The following DLGAP2 variants were observed in gnomAD, a reference collection of about 807,000 sequenced individuals.
DLGAP2 encodes disks large-associated protein 2.
A neutral mutation model predicts 100.3 loss-of-function variants in DLGAP2; 26 were observed. That is an observed-to-expected ratio of 0.26 (90% CI 0.19 to 0.36). The LOEUF (loss-of-function observed/expected upper bound fraction) is 0.36, where lower values mean the gene tolerates loss of function less well. Ranked by LOEUF, DLGAP2 falls within the 10% of genes least tolerant of loss-of-function variation. The pLI is 1.00. For synonymous variants in DLGAP2, 886 were observed against 630.1 expected (o/e 1.41, Z -6.08); for missense variants, 1,858 against 1,453.2 (o/e 1.28, Z -4.53).
chr8:1,496,835 G>A (rs749671827), intron 3 of DLGAP2, among the ~76,000 whole-genome samples: 2 of 152,202 alleles, frequency 1.3e-5, no homozygotes, highest in Non-Finnish European at 2.9e-5. Context: ...AGAGGTGTGC[G>A]TTGCTGGAGG....
intron 3 of DLGAP2, among the ~76,000 whole-genome samples, chr8:1,313,466 C>A (rs955032230): frequency 6.6e-6 from 1 of 152,154 alleles, no homozygotes; most frequent in Non-Finnish European, 1.5e-5. Context: ...TACTCCCCCC[C>A]TTAATTATGG....
chr8:1,424,270 G>A (rs1377809946), intron 3 of DLGAP2, among the ~76,000 whole-genome samples: 1 of 152,214 alleles, frequency 6.6e-6, no homozygotes, highest in Non-Finnish European at 1.5e-5. Flanking sequence ...CCCTTCTGTA[G>A]TCTGCATCTA....
At chr8:1,595,926 G>C (rs185760785) in intron 6 of DLGAP2, among the ~76,000 whole-genome samples, 2 of 151,494 alleles carry the variant, frequency 1.3e-5, no homozygotes, top group Non-Finnish European at 1.5e-5. Context: ...CAACGGGCAG[G>C]TTTGTTACAT....
At chr8:1,146,773 C>T (rs537945668) in intron 2 of DLGAP2, among the ~76,000 whole-genome samples, 25 of 152,348 alleles carry the variant, frequency 1.6e-4, no homozygotes, top group Non-Finnish European at 2.8e-4. Flanking sequence ...GACAAGCCGT[C>T]CCCACTGTCC....
chr8:1,219,189 G>C (rs957379922), intron 2 of DLGAP2, among the ~76,000 whole-genome samples: 1 of 151,646 alleles, frequency 6.6e-6, no homozygotes. Flanking sequence ...GGGCATTCTT[G>C]TTTTGTTCTG....
At chr8:879,900 C>A (rs1797754740) in intron 1 of DLGAP2, among the ~76,000 whole-genome samples, 1 of 152,180 alleles carries the variant, frequency 6.6e-6, no homozygotes. Context: ...CTTCTCCATT[C>A]TCCTTCCGTG....
chr8:1,230,116 A>G (rs1260246875), intron 2 of DLGAP2, among the ~76,000 whole-genome samples: 4 of 152,166 alleles, frequency 2.6e-5, no homozygotes, highest in African/African-American at 7.2e-5. Flanking sequence ...CAAAACCCCA[A>G]AGACTCTGCC....
At chr8:1,507,479 C>G (rs370576730) in intron 4 of DLGAP2, among the ~76,000 whole-genome samples, 3 of 152,176 alleles carry the variant, frequency 2.0e-5, no homozygotes, top group African/African-American at 7.2e-5. Flanking sequence ...ACCCAGAACT[C>G]GCGCTGGCCC....
intron 2 of DLGAP2, among the ~76,000 whole-genome samples, chr8:987,687 C>T (rs1800527537): frequency 6.6e-6 from 1 of 152,074 alleles, no homozygotes; most frequent in African/African-American, 2.4e-5. Context: ...GTAACCTCAG[C>T]TTTTCTGCCT....
intron 2 of DLGAP2, among the ~76,000 whole-genome samples, chr8:1,069,183 C>T (rs1453948567): frequency 1.3e-5 from 2 of 152,146 alleles, no homozygotes; most frequent in Non-Finnish European, 2.9e-5. Context: ...GAATTGGGCC[C>T]CAAATTGTGT....
At chr8:1,457,998 ATATATATATAT>A (rs1410848641) in intron 3 of DLGAP2, among the ~76,000 whole-genome samples, 2 of 137,724 alleles carry the variant, frequency 1.5e-5, no homozygotes, top group Non-Finnish European at 1.5e-5. Flanking sequence ...ATATATATAT[ATATATATATAT>A]ATATAATTTT....
Position 922,633 on chromosome 8 carries a change from A to G in DLGAP2, c.73+14667A>G, listed in dbSNP as rs116293851. ...TTCTGAGAAGCTTTGATTATTTGCAACCATGAACCATATCTAATAGAAATA... is the reference window on the plus strand; with the variant it reads ...TTCTGAGAAGCTTTGATTATTTGCAGCCATGAACCATATCTAATAGAAATA... On this transcript the variant is annotated intron_variant, in intron 2 of 14. Transcript: ENST00000637795. 3.7e-3 allele frequency among the ~76,000 whole-genome samples: 563 copies of G among 152,310 alleles called. 5 individuals are homozygous for G. Among genetic ancestry groups the G allele is most frequent in the African/African-American group, 0.013 (542 of 41,560 alleles).
At chr8:853,742 A>G (rs1258869685) in intron 1 of DLGAP2, among the ~76,000 whole-genome samples, 2 of 152,234 alleles carry the variant, frequency 1.3e-5, no homozygotes, top group Middle Eastern at 3.2e-3. Context: ...TTAATTTAAT[A>G]AGAATTCAGT....
rs375561690 is a variant in DLGAP2, at chr8:746,543, C to T, written c.18+8718C>T. ...AAGATCTGTGGGATAGAGGGCCGTCCACTGTGGTCATGGCAGTGTCCCTGC... is the reference window on the plus strand; with the variant it reads ...AAGATCTGTGGGATAGAGGGCCGTCTACTGTGGTCATGGCAGTGTCCCTGC... On this transcript the variant is annotated intron_variant, in intron 1 of 14. Coordinates refer to ENST00000637795, the MANE Select transcript of DLGAP2 (RefSeq NM_001346810.2). 3.3e-5 allele frequency among the ~76,000 whole-genome samples: 5 copies of T among 152,364 alleles called. No individual in the cohort carries two copies. The East Asian group carries it at 9.6e-4, about 29-fold the overall frequency.
intron 2 of DLGAP2, among the ~76,000 whole-genome samples, chr8:942,272 G>A (rs1008690688): frequency 6.6e-6 from 1 of 152,212 alleles, no homozygotes; most frequent in African/African-American, 2.4e-5. Flanking sequence ...TTTATCTAAA[G>A]CTCTGCTGCC....
At chr8:1,422,406 T>G (rs1340059924) in intron 3 of DLGAP2, among the ~76,000 whole-genome samples, 1 of 152,048 alleles carries the variant, frequency 6.6e-6, no homozygotes, top group African/African-American at 2.4e-5. Context: ...CTTGTGTATA[T>G]GTAGGGAGAA....
rs552117964 is a variant in DLGAP2 at position 1,185,238 on chromosome 8, A to G, written c.74-73613A>G. 2.6e-4 allele frequency among the ~76,000 whole-genome samples: 40 copies of G among 152,162 alleles called. 1 individual carries two copies. The highest frequency in any genetic ancestry group is 7.4e-5 in the Non-Finnish European group (5 of 68,008). On this transcript the variant is annotated intron_variant, in intron 2 of 14. Coordinates refer to ENST00000637795, the MANE Select transcript of DLGAP2 (RefSeq NM_001346810.2). ...GAAAGGTGGTTTTCCTGTATTTTCT[A>G]GCCCGATATAATGGGGGCTCTGAGA...
chr8:1,316,996 T>C (rs1287818614), intron 3 of DLGAP2, among the ~76,000 whole-genome samples: 1 of 85,202 alleles, frequency 1.2e-5, no homozygotes, highest in Non-Finnish European at 2.4e-5. Context: ...TCTCCAACAG[T>C]GGTCTACACT....
chr8:1,099,077 A>G (rs1804495209), intron 2 of DLGAP2, among the ~76,000 whole-genome samples: 1 of 152,120 alleles, frequency 6.6e-6, no homozygotes, highest in South Asian at 2.1e-4. Context: ...CATTTCAAAG[A>G]GATTCTTTGA....
Sources: gnomAD v4.1 joint callset for allele counts (sites outside exome capture counted in the v4.1 genomes callset) on GRCh38, gnomAD v4.1.1 for gene constraint, MANE v1.5 for transcripts, NCBI Gene and HGNC (gene_info 2026-07-23, HGNC 2026-07-21) for gene names.